Variants in MYO16 observed in about 807,000 individuals in gnomAD.
MYO16 encodes myosin XVI.
A neutral mutation model predicts 205.3 loss-of-function variants in MYO16; 94 were observed. The ratio of observed to expected loss-of-function variants is 0.46; its 90% CI spans 0.39 to 0.54. The LOEUF (loss-of-function observed/expected upper bound fraction) is 0.54, where lower values mean the gene tolerates loss of function less well. Ranked by LOEUF, MYO16 falls within the 20% of genes least tolerant of loss-of-function variation. The probability of loss-of-function intolerance (pLI) is 0.00; values close to 1 mark genes in which losing one functional copy is unlikely to be tolerated. For synonymous variants in MYO16, 988 were observed against 954.0 expected, an observed-to-expected ratio of 1.04 and a Z score of -0.66; for missense variants, 2,315 against 2,387.5, an observed-to-expected ratio of 0.97 and a Z score of 0.63.
At chr13:109,099,166 C>G (rs1027361470) in intron 27 of MYO16, among the ~76,000 whole-genome samples, 11 of 152,208 alleles carry the variant, frequency 7.2e-5, no homozygotes, top group African/African-American at 2.7e-4. Flanking sequence ...TGTTCATTAG[C>G]AGCTCCTGAG....
chr13:108,573,386 T>C, the MYO16 span, among the ~76,000 whole-genome samples: 3 of 152,238 alleles, frequency 2.0e-5, no homozygotes, highest in South Asian at 4.1e-4. Flanking sequence ...ATTTTAAAAA[T>C]GTAGGACTTT....
chr13:109,188,437 T>G (rs1879774922), intron 34 of MYO16, among the ~76,000 whole-genome samples: 1 of 152,232 alleles, frequency 6.6e-6, no homozygotes, highest in Non-Finnish European at 1.5e-5. Context: ...TGAGTCTTAT[T>G]TATTTTTATC....
At chr13:108,520,209 A>G in the MYO16 span, among the ~76,000 whole-genome samples, 1 of 152,064 alleles carries the variant, frequency 6.6e-6, no homozygotes, top group African/African-American at 2.4e-5. Context: ...TATAAATTAT[A>G]TGTCGTAAGA....
intron 4 of MYO16, among the ~76,000 whole-genome samples, chr13:108,740,294 G>A (rs574894751): frequency 1.3e-5 from 2 of 152,238 alleles, no homozygotes; most frequent in South Asian, 4.2e-4. Flanking sequence ...TGATGATGGT[G>A]ACGTACAGAT....
the MYO16 span, among the ~76,000 whole-genome samples, chr13:108,557,239 T>C: frequency 6.6e-6 from 1 of 152,226 alleles, no homozygotes; most frequent in Non-Finnish European, 1.5e-5. Flanking sequence ...AACTTAACAA[T>C]ATTAATTTTT....
intron 22 of MYO16, among the ~76,000 whole-genome samples, chr13:109,009,674 A>G (rs926032358): frequency 6.6e-6 from 1 of 152,222 alleles, no homozygotes; most frequent in African/African-American, 2.4e-5. Context: ...AATATCTCCA[A>G]GATACATGGA....
chr13:108,888,619 G>T, intron 14 of MYO16, 142 bp downstream of exon 14: 2 of 477,714 alleles, frequency 4.2e-6, no homozygotes, highest in Non-Finnish European at 7.5e-6. Flanking sequence ...TATTGAGCTT[G>T]GGTTCAAATA....
At chr13:108,540,799 G>A in the MYO16 span, among the ~76,000 whole-genome samples, 2 of 152,212 alleles carry the variant, frequency 1.3e-5, no homozygotes, top group Admixed American at 1.3e-4. Context: ...AGTTGGATCA[G>A]AAGTGCAAAG....
At chr13:108,669,051 A>T (rs75018717) in intron 2 of MYO16, among the ~76,000 whole-genome samples, 6,498 of 152,114 alleles carry the variant, frequency 0.043, 164 homozygotes, top group Middle Eastern at 0.14. Flanking sequence ...ACTCATGAGC[A>T]TATAGATGAT....
intron 34 of MYO16, among the ~76,000 whole-genome samples, chr13:109,199,515 A>C (rs563288121): frequency 6.6e-6 from 1 of 152,012 alleles, no homozygotes; most frequent in Non-Finnish European, 1.5e-5. Flanking sequence ...TAAATAAGTG[A>C]CTCATTATCT....
At chr13:108,654,367 T>G (rs1012920057) in intron 1 of MYO16, among the ~76,000 whole-genome samples, 2 of 152,152 alleles carry the variant, frequency 1.3e-5, no homozygotes, top group East Asian at 3.9e-4. Context: ...TTATCAGGGG[T>G]TTGCATTTCT....
intron 32 of MYO16, among the ~76,000 whole-genome samples, chr13:109,142,410 CAGG>C (rs1313371409): frequency 6.6e-6 from 1 of 151,432 alleles, no homozygotes; most frequent in African/African-American, 2.5e-5. Context: ...CCAGGTGAGG[CAGG>C]AGGATAGGGT....
At chr13:108,982,804 G>A (rs2139418054) in intron 20 of MYO16, among the ~76,000 whole-genome samples, 1 of 152,102 alleles carries the variant, frequency 6.6e-6, no homozygotes, top group South Asian at 2.1e-4. Context: ...TTGATCTTAA[G>A]ACCTATGAGT....
the MYO16 span, among the ~76,000 whole-genome samples, chr13:108,579,132 C>T: frequency 3.9e-5 from 6 of 152,050 alleles, no homozygotes; most frequent in African/African-American, 9.7e-5. Flanking sequence ...GGCTGCTTGG[C>T]CTCTTGTGGA....
At chr13:109,195,744 G>A (rs1880126759) in intron 34 of MYO16, among the ~76,000 whole-genome samples, 3 of 152,076 alleles carry the variant, frequency 2.0e-5, no homozygotes, top group Admixed American at 2.0e-4. Flanking sequence ...ACAGCAACAT[G>A]ATTTTACATA....
At chr13:108,723,370 T>C (rs1884232118) in intron 3 of MYO16, among the ~76,000 whole-genome samples, 1 of 152,142 alleles carries the variant, frequency 6.6e-6, no homozygotes, top group Non-Finnish European at 1.5e-5. Flanking sequence ...TTAAATTCAA[T>C]TTGCTAATAT....
chr13:108,907,793 A>C (rs1881060561), intron 15 of MYO16, among the ~76,000 whole-genome samples: 1 of 152,168 alleles, frequency 6.6e-6, no homozygotes, highest in Non-Finnish European at 1.5e-5. Context: ...ATGATGTGGA[A>C]TTTGATTAGT....
Position 108,869,731 on chromosome 13 carries a change from T to TTAAA in MYO16, c.1425+3489_1425+3490insTAAA, listed in dbSNP as rs1317454160. ...GGGCGACAGAGCGAGACTCCGTTTC[T>TTAAA]AAAAAAAAAAAAAAAAAAAAAAAAA... On this transcript the variant is annotated intron_variant, in intron 12 of 34. Coordinates refer to ENST00000457511, the MANE Select transcript of MYO16 (RefSeq NM_001198950.3). Among the ~76,000 whole-genome samples the TTAAA allele has an allele frequency of 3.4e-3, 228 of 67,024 alleles. 8 individuals are homozygous for TTAAA. Among genetic ancestry groups the TTAAA allele is most frequent in the African/African-American group, 0.015 (209 of 14,392 alleles). 44.0% of individuals were successfully genotyped at this position (67,024 alleles called of 152,430 possible).
At chr13:108,690,474 C>T (rs1398072282) in intron 2 of MYO16, among the ~76,000 whole-genome samples, 1 of 85,780 alleles carries the variant, frequency 1.2e-5, no homozygotes, top group African/African-American at 5.0e-5. Context: ...TTCTGTCATG[C>T]TATGGCCTTA....
Sources: gnomAD v4.1 joint callset for allele counts (sites outside exome capture counted in the v4.1 genomes callset) on GRCh38, gnomAD v4.1.1 for gene constraint, MANE v1.5 for transcripts, NCBI Gene and HGNC (gene_info 2026-07-23, HGNC 2026-07-21) for gene names.